The following BACH2 variants were observed in gnomAD, a reference collection of about 807,000 sequenced individuals.
The protein encoded by BACH2 is BACH transcriptional regulator 2, also known as transcription regulator protein BACH2.
A neutral mutation model predicts 61.8 loss-of-function variants in BACH2; 5 were observed. The ratio of observed to expected loss-of-function variants is 0.08; its 90% CI spans 0.04 to 0.17. BACH2 has a LOEUF of 0.17. Ranked by LOEUF, BACH2 falls within the 10% of genes least tolerant of loss-of-function variation. The pLI, the probability that BACH2 is intolerant of heterozygous loss-of-function variation, is 1.00. For synonymous variants in BACH2, 446 were observed against 440.1 expected (o/e 1.01, Z -0.17); for missense variants, 824 against 1,091.1 (o/e 0.76, Z 3.45).
chr6:90,242,048 G>A lies in BACH2; in HGVS notation c.-275+10465C>T, dbSNP rs1470021426. 7.2e-5 allele frequency among the ~76,000 whole-genome samples: 11 copies of A among 151,860 alleles called. No homozygotes were observed. The East Asian group carries it at 2.1e-3, about 29-fold the overall frequency. On this transcript the variant is annotated intron_variant, in intron 3 of 8. Coordinates refer to ENST00000257749, the MANE Select transcript of BACH2 (RefSeq NM_021813.4). ...CCCTGTTATTAACCATCTTGCACAA[G>A]TATGGTACATCTGTTATAATTAATG...
In BACH2 at chr6:89,995,525, T is replaced by G. The variant is rs558109667; in HGVS notation, c.243+13077A>C. On this transcript the variant is annotated intron_variant, in intron 6 of 8. Coordinates refer to ENST00000257749, the MANE Select transcript of BACH2 (RefSeq NM_021813.4). ...TGCCCGGGTTACTGTGAAGACAGTCTGATCCTTTAATGCACAGTTCTGACT... is the reference window on the plus strand; with the variant it reads ...TGCCCGGGTTACTGTGAAGACAGTCGGATCCTTTAATGCACAGTTCTGACT... Among the ~76,000 whole-genome samples the G allele has an allele frequency of 1.3e-4, 20 of 152,318 alleles. No individual in the cohort carries two copies. The East Asian group carries it at 3.9e-3, about 29-fold the overall frequency.
At chr6:90,250,960 C>A (rs1403876226) in intron 3 of BACH2, among the ~76,000 whole-genome samples, 1 of 152,084 alleles carries the variant, frequency 6.6e-6, no homozygotes, top group Non-Finnish European at 1.5e-5. Flanking sequence ...CACTGAGGCA[C>A]AAAGAGGTTA....
intron 4 of BACH2, among the ~76,000 whole-genome samples, chr6:90,189,556 C>T (rs1204798923): frequency 7.1e-6 from 1 of 141,828 alleles, no homozygotes; most frequent in Admixed American, 7.5e-5. Flanking sequence ...TGCAGTGAGC[C>T]GAGATTGCGC....
chr6:90,030,699 G>C (rs1778927016), intron 5 of BACH2, among the ~76,000 whole-genome samples: 1 of 152,024 alleles, frequency 6.6e-6, no homozygotes, highest in Admixed American at 6.6e-5. Context: ...TTCTGAAATT[G>C]AGGCAATAAT....
chr6:89,990,313 A>G (rs992431968), intron 6 of BACH2, among the ~76,000 whole-genome samples: 1 of 152,200 alleles, frequency 6.6e-6, no homozygotes, highest in Non-Finnish European at 1.5e-5. Flanking sequence ...CTATTGAAAG[A>G]GTTTTTGTAA....
At chr6:90,053,217 T>G (rs1262932807) in intron 5 of BACH2, among the ~76,000 whole-genome samples, 1 of 152,208 alleles carries the variant, frequency 6.6e-6, no homozygotes, top group East Asian at 1.9e-4. Context: ...CCAATTTCTT[T>G]GCTTACAATT....
intron 4 of BACH2, among the ~76,000 whole-genome samples, chr6:90,160,495 A>T (rs1407858292): frequency 6.6e-6 from 1 of 152,258 alleles, no homozygotes; most frequent in Non-Finnish European, 1.5e-5. Context: ...TTTTAAAATG[A>T]GGATCTAAGT....
At chr6:90,295,983 CGAGGGTTAAGGAG>C (rs1198577230) in intron 1 of BACH2, among the ~76,000 whole-genome samples, 1 of 152,048 alleles carries the variant, frequency 6.6e-6, no homozygotes, top group Non-Finnish European at 1.5e-5. Context: ...ATGCGCACGC[CGAGGGTTAAGGAG>C]GAGGCCGCCC....
intron 7 of BACH2, among the ~76,000 whole-genome samples, chr6:89,949,458 TCTTTC>T (rs1773941010): frequency 6.6e-6 from 1 of 152,070 alleles, no homozygotes; most frequent in African/African-American, 2.4e-5. Context: ...AGGGGCCTCT[TCTTTC>T]CTCTCCTTAG....
chr6:90,292,960 G>C lies in BACH2; in HGVS notation c.-446+3520C>G, dbSNP rs182199517. Among the ~76,000 whole-genome samples the C allele has an allele frequency of 2.0e-5, 3 of 152,288 alleles. No individual in the cohort carries two copies. In the East Asian group the frequency reaches 5.8e-4, roughly 29 times the overall value. On this transcript the variant is annotated intron_variant, in intron 1 of 8. Transcript: ENST00000257749. ...CAAGAGTCTACAATGAGTTGAGTAG[G>C]GGCGGCCTGCCACTCCACACTATGC...
chr6:90,226,548 G>A (rs773891232), intron 3 of BACH2, among the ~76,000 whole-genome samples: 2 of 152,098 alleles, frequency 1.3e-5, no homozygotes, highest in African/African-American at 4.8e-5. Flanking sequence ...TAGTCCCAAC[G>A]TCACTGTTAC....
At chr6:90,237,907 T>A (rs1380714420) in intron 3 of BACH2, among the ~76,000 whole-genome samples, 3 of 152,148 alleles carry the variant, frequency 2.0e-5, no homozygotes, top group Non-Finnish European at 4.4e-5. Flanking sequence ...TAACAAGGTC[T>A]CAAAGGAACA....
In BACH2 at chr6:90,096,873, C is replaced by T. The variant is rs7754658; in HGVS notation, c.-161-7764G>A. 5.8e-3 allele frequency among the ~76,000 whole-genome samples: 886 copies of T among 152,342 alleles called. 11 individuals are homozygous for T. The highest frequency in any genetic ancestry group is 0.019 in the African/African-American group (805 of 41,574). ...TCCCTGGATCTAATCTCTACATTCC[C>T]ACCACCATCCACCTCGTATAAAAAT... On this transcript the variant is annotated intron_variant, in intron 4 of 8. Transcript: ENST00000257749.
chr6:89,995,531 T>C (rs1776798028), intron 6 of BACH2, among the ~76,000 whole-genome samples: 1 of 152,202 alleles, frequency 6.6e-6, no homozygotes, highest in Non-Finnish European at 1.5e-5. Context: ...AGTCTGATCC[T>C]TTAATGCACA....
At chr6:90,285,211 G>A (rs186020672) in intron 1 of BACH2, among the ~76,000 whole-genome samples, 183 of 152,334 alleles carry the variant, frequency 1.2e-3, no homozygotes, top group Non-Finnish European at 1.7e-3. Context: ...GCTTTAAAAT[G>A]ACCTGAGGTC....
intron 6 of BACH2, among the ~76,000 whole-genome samples, chr6:89,989,580 T>C (rs1275526875): frequency 2.0e-5 from 3 of 152,116 alleles, no homozygotes; most frequent in Non-Finnish European, 4.4e-5. Flanking sequence ...GTTGGCAGCA[T>C]GCATTATAGT....
intron 4 of BACH2, among the ~76,000 whole-genome samples, chr6:90,139,068 T>C (rs191800272): frequency 2.4e-4 from 37 of 152,294 alleles, no homozygotes; most frequent in African/African-American, 8.2e-4. Flanking sequence ...ATATGCCTAC[T>C]TGACTTCCTT....
At chr6:89,971,651 T>C (rs1319591787) in intron 6 of BACH2, among the ~76,000 whole-genome samples, 1 of 152,106 alleles carries the variant, frequency 6.6e-6, no homozygotes, top group Non-Finnish European at 1.5e-5. Context: ...GGACTCACAG[T>C]TCCACATGGC....
At chr6:90,043,750 T>C (rs893770544) in intron 5 of BACH2, among the ~76,000 whole-genome samples, 1 of 152,150 alleles carries the variant, frequency 6.6e-6, no homozygotes, top group African/African-American at 2.4e-5. Flanking sequence ...CACCTGCTCA[T>C]CCTTCAAGAA....
Sources: allele counts gnomAD v4.1 joint callset (sites outside exome capture counted in the v4.1 genomes callset), GRCh38; gene constraint gnomAD v4.1.1; transcripts MANE v1.5; gene names NCBI Gene and HGNC (gene_info 2026-07-23, HGNC 2026-07-21).